ENOX2: variants seen among roughly 807,000 people sequenced by gnomAD.
ENOX2 encodes the protein APK1 antigen.
ENOX2 carries 36 observed loss-of-function variants against 45.0 expected under a neutral mutation model. That is an observed-to-expected ratio of 0.80 (90% CI 0.61 to 1.06). The LOEUF (loss-of-function observed/expected upper bound fraction) is 1.06. ENOX2 is among the 50% of genes least tolerant of loss of function. The pLI, the probability that ENOX2 is intolerant of heterozygous loss-of-function variation, is 0.00. For synonymous variants in ENOX2, 174 were observed against 152.3 expected (o/e 1.14, Z -1.05); for missense variants, 423 against 462.5 (o/e 0.91, Z 0.78).
intron 2 of ENOX2, among the ~76,000 whole-genome samples, chrX:130,871,450 G>A (rs2078587226): frequency 9.0e-6 from 1 of 110,955 alleles, no homozygotes; most frequent in African/African-American, 3.3e-5. Context: ...CTAAAGAACA[G>A]GAGAATATAT....
At chrX:130,656,547 G>T in intron 10 of ENOX2, 34 bp downstream of exon 10, 1 of 884,839 alleles carries the variant, frequency 1.1e-6, no homozygotes, top group Non-Finnish European at 1.7e-6. Context: ...GCAAGTACAT[G>T]TTTATTAAAT....
chrX:130,683,088 G>A (rs193027656), intron 5 of ENOX2, among the ~76,000 whole-genome samples: 5 of 112,107 alleles, frequency 4.5e-5, no homozygotes, highest in South Asian at 3.8e-4. Flanking sequence ...TCTAATCTCT[G>A]GTAATGGAAA....
At chrX:130,813,780 TATACCACCAGGGCCC>T (rs1415333247) in intron 2 of ENOX2, among the ~76,000 whole-genome samples, 85 of 112,137 alleles carry the variant, frequency 7.6e-4, no homozygotes, top group African/African-American at 2.7e-3. Context: ...CTCAGGTGCC[TATACCACCAGGGCCC>T]AGGATTTCAA....
chrX:130,714,272 TG>T (rs1455794101), intron 3 of ENOX2, among the ~76,000 whole-genome samples: 1 of 112,212 alleles, frequency 8.9e-6, no homozygotes, highest in Non-Finnish European at 1.9e-5. Flanking sequence ...ATCTGGAGTT[TG>T]GAAGGCTAGT....
chrX:130,826,490 A>G (rs1244732735), intron 2 of ENOX2, among the ~76,000 whole-genome samples: 1 of 111,912 alleles, frequency 8.9e-6, no homozygotes, highest in African/African-American at 3.2e-5. Context: ...CAGTGAGATG[A>G]GTTACCATGG....
At chrX:130,798,192 G>A (rs1392381231) in intron 2 of ENOX2, among the ~76,000 whole-genome samples, 2 of 111,570 alleles carry the variant, frequency 1.8e-5, no homozygotes, top group African/African-American at 3.3e-5. Context: ...ACAGCAAGAT[G>A]ATCCCTTGAG....
At chrX:130,628,090 C>T (rs148938631) in intron 13 of ENOX2, 47 bp from the exon 14 acceptor site, 10 of 907,763 alleles carry the variant, frequency 1.1e-5, no homozygotes, top group African/African-American at 5.8e-5. Context: ...TTGTATTTCT[C>T]GAGGTTCCAC....
intron 14 of ENOX2, 102 bp from the exon 15 acceptor site, chrX:130,625,547 G>A: frequency 1.1e-6 from 1 of 885,132 alleles, no homozygotes; most frequent in Non-Finnish European, 1.5e-6. Context: ...CTGTGTGTGT[G>A]CTGCAGGGGC....
At chrX:130,851,755 G>A (rs1307645095) in intron 2 of ENOX2, among the ~76,000 whole-genome samples, 3 of 111,960 alleles carry the variant, frequency 2.7e-5, no homozygotes, top group African/African-American at 9.7e-5. Context: ...ATACGGCAGG[G>A]TTCTGACCAC....
At chrX:130,768,177 T>C (rs1569499084) in intron 3 of ENOX2, among the ~76,000 whole-genome samples, 1 of 111,592 alleles carries the variant, frequency 9.0e-6, no homozygotes, top group Non-Finnish European at 1.9e-5. Context: ...CATAGCAGAA[T>C]GCAATGAAAA....
At chrX:130,673,772 C>A (rs1271463972) in intron 6 of ENOX2, among the ~76,000 whole-genome samples, 1 of 111,955 alleles carries the variant, frequency 8.9e-6, no homozygotes, top group African/African-American at 3.2e-5. Flanking sequence ...AGGGAATAAT[C>A]CAGGAAAATT....
At chrX:130,878,214 G>C (rs973054911) in intron 2 of ENOX2, among the ~76,000 whole-genome samples, 1 of 112,242 alleles carries the variant, frequency 8.9e-6, no homozygotes, top group East Asian at 2.8e-4. Context: ...TGTGAGGCCA[G>C]CCAAAGAAAT....
intron 2 of ENOX2, among the ~76,000 whole-genome samples, chrX:130,852,672 G>A (rs1603370394): frequency 9.0e-6 from 1 of 111,186 alleles, no homozygotes; most frequent in Non-Finnish European, 1.9e-5. Flanking sequence ...AGTAAAAACA[G>A]TCATGGAGTT....
chrX:130,861,295 T>C (rs1302436498), intron 2 of ENOX2, among the ~76,000 whole-genome samples: 1 of 109,737 alleles, frequency 9.1e-6, no homozygotes, highest in Non-Finnish European at 1.9e-5. Flanking sequence ...CTTGAAGAGA[T>C]ATCTACACTC....
chrX:130,665,507 T>C, intron 9 of ENOX2, 136 bp downstream of exon 9: 1 of 474,749 alleles, frequency 2.1e-6, no homozygotes, highest in Non-Finnish European at 3.8e-6. Flanking sequence ...ATAGAACATA[T>C]CTTAGTGTTT....
At chrX:130,819,824 C>T (rs2077563644) in intron 2 of ENOX2, among the ~76,000 whole-genome samples, 1 of 111,231 alleles carries the variant, frequency 9.0e-6, no homozygotes. Flanking sequence ...AACAAACCTG[C>T]ATGTTCTGCA....
intron 3 of ENOX2, among the ~76,000 whole-genome samples, chrX:130,707,172 T>C (rs2038058871): frequency 8.9e-6 from 1 of 112,166 alleles, no homozygotes; most frequent in Non-Finnish European, 1.9e-5. Context: ...CGAATGCTAC[T>C]GGTTGTCAAG....
chrX:130,789,203 A>G (rs1384930301), intron 2 of ENOX2, among the ~76,000 whole-genome samples: 1 of 112,636 alleles, frequency 8.9e-6, no homozygotes, highest in African/African-American at 3.2e-5. Flanking sequence ...TATGTCTGCC[A>G]TACAGATGCA....
chrX:130,633,079 T>G (rs1569477171), intron 12 of ENOX2, among the ~76,000 whole-genome samples: 1 of 112,032 alleles, frequency 8.9e-6, no homozygotes, highest in Non-Finnish European at 1.9e-5. Flanking sequence ...AGCTGGCATT[T>G]AAAAAATTAG....
Sources: allele counts gnomAD v4.1 joint callset (sites outside exome capture counted in the v4.1 genomes callset), GRCh38; gene constraint gnomAD v4.1.1; transcripts MANE v1.5; gene names NCBI Gene and HGNC (gene_info 2026-07-23, HGNC 2026-07-21).